Variants in MCM9 observed in about 807,000 individuals in gnomAD.
MCM9 encodes the protein DNA helicase MCM9.
Under a neutral mutation model 72.8 loss-of-function variants are expected in MCM9, and 55 were observed. The ratio of observed to expected loss-of-function variants is 0.76; its 90% CI spans 0.61 to 0.95. MCM9 has a LOEUF of 0.95. MCM9 is among the 40% of genes least tolerant of loss of function. The pLI is 0.00. For synonymous variants in MCM9, 480 were observed against 503.4 expected, an observed-to-expected ratio of 0.95 and a Z score of 0.62; for missense variants, 1,279 against 1,377.0, an observed-to-expected ratio of 0.93 and a Z score of 1.13.
intron 9 of MCM9, among the ~76,000 whole-genome samples, chr6:118,848,967 A>G (rs544305401): frequency 6.7e-6 from 1 of 149,722 alleles, no homozygotes; most frequent in South Asian, 2.1e-4. Flanking sequence ...AAATAAACAC[A>G]GTAAGTTTTA....
chr6:118,934,056 A>G (rs575215445), intron 1 of MCM9, among the ~76,000 whole-genome samples: 58 of 152,136 alleles, frequency 3.8e-4, no homozygotes, highest in Non-Finnish European at 2.9e-5. Context: ...AGAGCCACAA[A>G]TTTAGCAATT....
At chr6:118,898,550 G>A (rs1211808874) in intron 8 of MCM9, among the ~76,000 whole-genome samples, 4 of 151,304 alleles carry the variant, frequency 2.6e-5, no homozygotes, top group South Asian at 2.1e-4. Flanking sequence ...TCAGCCTCCC[G>A]AGTAGCTGGG....
At chr6:118,817,761 T>G (rs1342041309) in intron 13 of MCM9, among the ~76,000 whole-genome samples, 2 of 152,232 alleles carry the variant, frequency 1.3e-5, no homozygotes, top group Admixed American at 1.3e-4. Flanking sequence ...ACCAACAACG[T>G]AGAAGCATTC....
intron 8 of MCM9, among the ~76,000 whole-genome samples, chr6:118,882,743 A>G (rs1378060234): frequency 6.6e-6 from 1 of 152,170 alleles, no homozygotes; most frequent in Non-Finnish European, 1.5e-5. Context: ...GTTGCCTCTG[A>G]GGAGTAACAT....
chr6:118,836,862 T>C (rs988788517), intron 9 of MCM9, among the ~76,000 whole-genome samples: 3 of 152,202 alleles, frequency 2.0e-5, no homozygotes, highest in Admixed American at 1.3e-4. Context: ...CTGATCTTAG[T>C]TATTTCTTGT....
chr6:118,859,443 A>G (rs534846867), intron 8 of MCM9, among the ~76,000 whole-genome samples: 54 of 152,366 alleles, frequency 3.5e-4, no homozygotes, highest in African/African-American at 1.3e-3. Context: ...TCTTAGACCC[A>G]TCAGAGAAAT....
intron 8 of MCM9, among the ~76,000 whole-genome samples, chr6:118,874,743 C>A (rs947809591): frequency 2.6e-5 from 4 of 152,216 alleles, no homozygotes; most frequent in Admixed American, 1.3e-4. Flanking sequence ...AGCAAGGTTG[C>A]AGGTTAATAT....
chr6:118,921,898 C>A (rs1781461146), intron 5 of MCM9, 107 bp downstream of exon 5: 2 of 796,434 alleles, frequency 2.5e-6, no homozygotes, highest in African/African-American at 1.7e-5. Context: ...GCAATTACAG[C>A]TCTACATTTC....
chr6:118,907,384 G>A, intron 8 of MCM9: 1 of 1,533,548 alleles, frequency 6.5e-7, no homozygotes, highest in South Asian at 1.2e-5. Context: ...CCATTTGTAT[G>A]TTTCCTTTTT....
chr6:118,874,678 T>C (rs998088282), intron 8 of MCM9, among the ~76,000 whole-genome samples: 11 of 152,220 alleles, frequency 7.2e-5, no homozygotes, highest in African/African-American at 2.7e-4. Context: ...ATCATCTATG[T>C]AGGATGTCTG....
Position 118,815,426 on chromosome 6 carries a change from C to T in MCM9, c.2830G>A (p.Gly944Ser). The change falls in exon 14 of 14, where the codon GGT becomes AGT. Residue 944 changes from glycine (G) to serine (S), a missense_variant. Gly to Ser is a moderately conservative substitution (Grantham distance 56). Transcript: ENST00000619706. Reference protein sequence around the residue: ...SFEDHSHVSPGATKIAVHSPK... With the variant: ...SFEDHSHVSPSATKIAVHSPK... The stretch of plus-strand genomic sequence containing the variant: ...CTATGAACTGCTATTTTAGTTGCAC[C>T]AGGTGACACATGGCTGTGATCTTCA... The T allele has an allele frequency of 6.4e-7, 1 of 1,550,508 alleles. No homozygotes were observed. The highest frequency in any genetic ancestry group is 8.7e-7 in the Non-Finnish European group (1 of 1,146,944).
At chr6:118,831,340 C>CAAAA (rs869238859) in intron 9 of MCM9, among the ~76,000 whole-genome samples, 5 of 71,410 alleles carry the variant, frequency 7.0e-5, no homozygotes, top group East Asian at 6.6e-4. Context: ...GAGACCATCT[C>CAAAA]AAAAAAAAAA....
At chr6:118,868,294 G>A (rs1777357169) in intron 8 of MCM9, among the ~76,000 whole-genome samples, 1 of 152,156 alleles carries the variant, frequency 6.6e-6, no homozygotes, top group African/African-American at 2.4e-5. Context: ...AAATGTGTGA[G>A]GAGGAAAAAT....
chr6:118,853,569 G>T (rs1382284038), intron 9 of MCM9, among the ~76,000 whole-genome samples: 6 of 152,064 alleles, frequency 3.9e-5, no homozygotes, highest in Non-Finnish European at 8.8e-5. Context: ...AAAGGCCGAG[G>T]CAAGTGGAAC....
intron 3 of MCM9, among the ~76,000 whole-genome samples, chr6:118,929,798 C>T (rs1240895842): frequency 1.3e-5 from 2 of 152,108 alleles, no homozygotes; most frequent in East Asian, 3.8e-4. Context: ...CAGAGTGAGA[C>T]TCCATCTCTA....
chr6:118,890,976 G>A (rs984166408), intron 8 of MCM9, among the ~76,000 whole-genome samples: 2 of 152,122 alleles, frequency 1.3e-5, no homozygotes, highest in Non-Finnish European at 2.9e-5. Flanking sequence ...CAGTAGACAC[G>A]GGCTGACACT....
intron 8 of MCM9, among the ~76,000 whole-genome samples, chr6:118,870,528 T>A (rs1777532907): frequency 6.6e-6 from 1 of 151,144 alleles, no homozygotes; most frequent in South Asian, 2.1e-4. Context: ...CATGTCTACA[T>A]CAAAAAAGAA....
chr6:118,861,298 T>TCA (rs1776889071), intron 8 of MCM9, among the ~76,000 whole-genome samples: 1 of 152,214 alleles, frequency 6.6e-6, no homozygotes, highest in South Asian at 2.1e-4. Context: ...TTAAAGCATG[T>TCA]CACAGCCCTG....
At chr6:118,893,771 C>G (rs1779111064) in intron 8 of MCM9, among the ~76,000 whole-genome samples, 1 of 152,014 alleles carries the variant, frequency 6.6e-6, no homozygotes, top group Non-Finnish European at 1.5e-5. Flanking sequence ...CGACTCTCAT[C>G]TGCTAAATTC....
Sources: gnomAD v4.1 joint callset for allele counts (sites outside exome capture counted in the v4.1 genomes callset) on GRCh38, gnomAD v4.1.1 for gene constraint, MANE v1.5 for transcripts, NCBI Gene and HGNC (gene_info 2026-07-23, HGNC 2026-07-21) for gene names.